Variants in CD96 observed in about 807,000 individuals in gnomAD.
The protein encoded by CD96 is T-cell surface protein tactile.
CD96 carries 70 observed loss-of-function variants against 71.3 expected under a neutral mutation model. The observed-to-expected ratio is 0.98, with a 90% confidence interval of 0.81 to 1.20. CD96 has a LOEUF of 1.20. Among genes scored for constraint, CD96 ranks in the 50% most tolerant of loss-of-function variants. The pLI is 0.00. For synonymous variants in CD96, 248 were observed against 233.0 expected (o/e 1.06, Z -0.59); for missense variants, 742 against 677.5 (o/e 1.10, Z -1.06).
chr3:111,547,883 GA>G (rs1025445029), intron 2 of CD96, among the ~76,000 whole-genome samples: 5 of 152,272 alleles, frequency 3.3e-5, no homozygotes, highest in African/African-American at 1.2e-4. Context: ...CTTCACCACA[GA>G]GTGACCACAA....
At position 111,651,806 on chromosome 3, in the gene CD96, C is replaced by G. The variant is rs184598489; in HGVS notation, c.*2000C>G. On this transcript the variant is annotated 3_prime_UTR_variant, in exon 14 of 14. Coordinates refer to ENST00000352690, the MANE Select transcript of CD96 (RefSeq NM_005816.5). ...CTGAGGCAGGAGAAGGGTGGGAACC[C>G]GGGAGGCAGAGCTTGCAGTGAGCCG... The G allele has an allele frequency of 1.3e-5, 2 of 150,854 alleles. No individual in the cohort carries two copies. The highest frequency in any genetic ancestry group is 2.9e-5 in the Non-Finnish European group (2 of 67,954). The allele number at this position is 150,854 out of a possible 1,614,324, so 9.3% of individuals were successfully genotyped here. A position where few individuals can be genotyped will look rare whatever the true frequency, so the allele number is the denominator to read the frequency against.
chr3:111,591,687 A>G (rs2107620773), intron 5 of CD96, among the ~76,000 whole-genome samples: 1 of 152,330 alleles, frequency 6.6e-6, no homozygotes, highest in South Asian at 2.1e-4. Flanking sequence ...AGCTTGCACC[A>G]CAGGTAGAGA....
At chr3:111,620,443 A>G (rs1938463423) in intron 8 of CD96, among the ~76,000 whole-genome samples, 1 of 152,246 alleles carries the variant, frequency 6.6e-6, no homozygotes, top group African/African-American at 2.4e-5. Flanking sequence ...ACCACAGTGT[A>G]AAGTGGGAGA....
rs186135276 is a variant in CD96, at chr3:111,565,077, G to A, written c.419-2446G>A. On this transcript the variant is annotated intron_variant, in intron 2 of 13. Coordinates refer to ENST00000352690, the MANE Select transcript of CD96 (RefSeq NM_005816.5). ...TGAAGACACTGGTGATTTGGTGCCCGCAAACTCTCTTCTCCATTTGAGCTA... is the reference window on the plus strand; with the variant it reads ...TGAAGACACTGGTGATTTGGTGCCCACAAACTCTCTTCTCCATTTGAGCTA... Among the ~76,000 whole-genome samples the A allele has an allele frequency of 2.4e-3, 365 of 152,170 alleles. 1 individual carries two copies. Among genetic ancestry groups the A allele is most frequent in the African/African-American group, 7.7e-3 (318 of 41,508 alleles).
intron 8 of CD96, among the ~76,000 whole-genome samples, chr3:111,610,330 G>T (rs1937854319): frequency 6.6e-6 from 1 of 152,178 alleles, no homozygotes; most frequent in South Asian, 2.1e-4. Flanking sequence ...CTCAGAAGCT[G>T]GTAGGATTCA....
At chr3:111,642,482 G>A (rs1383836230) in intron 12 of CD96, among the ~76,000 whole-genome samples, 6 of 152,146 alleles carry the variant, frequency 3.9e-5, no homozygotes, top group African/African-American at 1.2e-4. Context: ...ATAAGAAGCA[G>A]CGAGATTGAA....
At position 111,596,284 on chromosome 3, in the gene CD96, G is replaced by A. The variant is rs540379741; in HGVS notation, c.808-1836G>A. ...ATTAAAATAGAAAAAAAAGATGGGG[G>A]AAAAAGATTCAAAATAGGAATGAGA... On this transcript the variant is annotated intron_variant, in intron 5 of 13. Transcript: ENST00000352690. Among the ~76,000 whole-genome samples the A allele has an allele frequency of 4.6e-5, 7 of 152,144 alleles. 1 individual carries two copies. Among genetic ancestry groups the A allele is most frequent in the African/African-American group, 1.4e-4 (6 of 41,518 alleles).
At chr3:111,547,648 G>A (rs574396494) in intron 2 of CD96, among the ~76,000 whole-genome samples, 3 of 152,300 alleles carry the variant, frequency 2.0e-5, no homozygotes, top group South Asian at 4.1e-4. Flanking sequence ...AACCAAGGGA[G>A]TTAAGCTTGT....
chr3:111,637,458 T>C (rs1939383972), intron 11 of CD96, among the ~76,000 whole-genome samples, 197 bp downstream of exon 11: 1 of 152,268 alleles, frequency 6.6e-6, no homozygotes, highest in African/African-American at 2.4e-5. Context: ...GCCTTAGATT[T>C]TTATACATTT....
chr3:111,640,690 G>T (rs1365419188), intron 12 of CD96, among the ~76,000 whole-genome samples: 1 of 152,206 alleles, frequency 6.6e-6, no homozygotes, highest in East Asian at 1.9e-4. Flanking sequence ...TTGTCATTAG[G>T]TTATCCAAAG....
intron 8 of CD96, among the ~76,000 whole-genome samples, chr3:111,608,983 C>T (rs559367841): frequency 6.6e-6 from 1 of 152,210 alleles, no homozygotes; most frequent in African/African-American, 2.4e-5. Flanking sequence ...GGGAGAGGTA[C>T]AAACCAGTAA....
intron 8 of CD96, among the ~76,000 whole-genome samples, chr3:111,614,590 CT>C (rs1938130051): frequency 6.6e-6 from 1 of 152,152 alleles, no homozygotes; most frequent in East Asian, 1.9e-4. Context: ...TTGGGGGCTT[CT>C]TTGTTCCTCT....
intron 2 of CD96, among the ~76,000 whole-genome samples, chr3:111,563,820 C>T (rs1480225946): frequency 6.6e-6 from 1 of 152,196 alleles, no homozygotes; most frequent in East Asian, 1.9e-4. Context: ...TATGTAAATG[C>T]ATCTCCAGTT....
chr3:111,610,594 C>A (rs900271596), intron 8 of CD96, among the ~76,000 whole-genome samples: 1 of 152,196 alleles, frequency 6.6e-6, no homozygotes, highest in African/African-American at 2.4e-5. Context: ...TAACTCATAA[C>A]AAACTGTAAG....
chr3:111,575,132 C>A (rs1936166580), intron 3 of CD96, among the ~76,000 whole-genome samples: 1 of 152,096 alleles, frequency 6.6e-6, no homozygotes, highest in African/African-American at 2.4e-5. Flanking sequence ...AAGACTGTTT[C>A]TTTTACTACT....
chr3:111,575,352 T>TA (rs1936174544), intron 3 of CD96, among the ~76,000 whole-genome samples: 1 of 152,198 alleles, frequency 6.6e-6, no homozygotes, highest in African/African-American at 2.4e-5. Context: ...ACAACATTTT[T>TA]AAAAATCAGA....
rs1938638784 is a variant in CD96, at chr3:111,624,245, A to C, written c.1250-88A>C. On this transcript the variant is annotated intron_variant, in intron 9 of 13. Transcript: ENST00000352690. ...TTCAATTTCAGATTTCCCCAAAGTC[A>C]CATAGATTAAAAATTCTGTGCATCA... is the stretch of plus-strand genomic sequence containing the variant. 1.4e-5 allele frequency: 12 copies of C among 879,440 alleles called. No individual in the cohort carries two copies. The East Asian group carries it at 2.2e-4, about 16-fold the overall frequency. The allele number at this position is 879,440 out of a possible 1,614,324, so 54.5% of individuals were successfully genotyped here.
chr3:111,577,695 T>A, intron 3 of CD96: 2 of 728,206 alleles, frequency 2.7e-6, no homozygotes, highest in Non-Finnish European at 5.0e-6. Context: ...TTCTACTAAG[T>A]ATATTCTGGA....
chr3:111,620,752 A>G (rs1938482404), intron 8 of CD96, among the ~76,000 whole-genome samples: 1 of 152,194 alleles, frequency 6.6e-6, no homozygotes, highest in African/African-American at 2.4e-5. Flanking sequence ...GTGTGTGAGA[A>G]GGGTAAAGCA....
Sources: allele counts gnomAD v4.1 joint callset (sites outside exome capture counted in the v4.1 genomes callset), GRCh38; gene constraint gnomAD v4.1.1; transcripts MANE v1.5; gene names NCBI Gene and HGNC (gene_info 2026-07-23, HGNC 2026-07-21).